The following ZSWIM2 variants were observed in gnomAD, a reference collection of about 807,000 sequenced individuals.
ZSWIM2 encodes the protein E3 ubiquitin-protein ligase ZSWIM2.
Under a neutral mutation model 48.4 loss-of-function variants are expected in ZSWIM2, and 38 were observed. That is an observed-to-expected ratio of 0.79 (90% CI 0.61 to 1.03). The LOEUF is 1.03. Among genes scored for constraint, ZSWIM2 ranks in the 50% least tolerant of loss-of-function variants. The pLI is 0.00. For synonymous variants in ZSWIM2, 240 were observed against 251.3 expected (o/e 0.96, Z 0.42); for missense variants, 776 against 730.2 (o/e 1.06, Z -0.72).
chr2:186,845,285 C>A (rs1691977658), intron 2 of ZSWIM2, among the ~76,000 whole-genome samples: 1 of 151,262 alleles, frequency 6.6e-6, no homozygotes, highest in Non-Finnish European at 1.5e-5. Flanking sequence ...GTATATGAAG[C>A]ACTTTGATTA....
At chr2:186,844,553 T>TC (rs1422706718) in intron 3 of ZSWIM2, among the ~76,000 whole-genome samples, 164 bp downstream of exon 3, 1 of 151,410 alleles carries the variant, frequency 6.6e-6, no homozygotes, top group African/African-American at 2.4e-5. Context: ...TGAAAAATGT[T>TC]CCAAGTGTCT....
intron 7 of ZSWIM2, among the ~76,000 whole-genome samples, chr2:186,831,066 C>G (rs1388408124): frequency 6.6e-6 from 1 of 152,076 alleles, no homozygotes; most frequent in African/African-American, 2.4e-5. Flanking sequence ...AATTCTCTTA[C>G]TTATTCCATT....
At chr2:186,846,769 T>TA (rs1011289715) in intron 2 of ZSWIM2, among the ~76,000 whole-genome samples, 6 of 135,634 alleles carry the variant, frequency 4.4e-5, no homozygotes, top group Non-Finnish European at 9.4e-5. Context: ...ACCACATTAA[T>TA]AAAATGTGTG....
At chr2:186,836,016 G>A (rs148014865) in intron 5 of ZSWIM2, among the ~76,000 whole-genome samples, 40 of 152,224 alleles carry the variant, frequency 2.6e-4, no homozygotes, top group African/African-American at 8.7e-4. Flanking sequence ...AAAGCTCTGA[G>A]TGACAGGAGT....
At position 186,829,734 on chromosome 2, in the gene ZSWIM2, G is replaced by A. The variant is rs189864866; in HGVS notation, c.1088C>T (p.Thr363Ile). 12 of 1,611,422 alleles carry A rather than the reference G, an allele frequency of 7.4e-6. No homozygotes were observed. The highest frequency in any genetic ancestry group is 5.1e-6 in the Non-Finnish European group (6 of 1,179,206). ...LGQHTRLLPC[T>I]HKFHRKCIDN... ...AAATGATGTGACTTTTACCTTGTGAGTACATGGTAGCAATCTTGTATGTTG... is the reference window on the plus strand; with the variant it reads ...AAATGATGTGACTTTTACCTTGTGAATACATGGTAGCAATCTTGTATGTTG... Residue 363 changes from threonine to isoleucine, a missense_variant, in exon 8 of 9, where the codon ACT (threonine) becomes ATT (isoleucine). Physicochemically the swap from Thr to Ile is moderately conservative, Grantham distance 89. Transcript: ENST00000295131.
chr2:186,832,626 A>T (rs62171891), intron 7 of ZSWIM2, among the ~76,000 whole-genome samples: 11,189 of 152,204 alleles, frequency 0.074, 530 homozygotes, highest in Non-Finnish European at 0.11. Flanking sequence ...CAAATTTCAA[A>T]TATCTTTGAA....
At chr2:186,844,678 TAA>T in intron 3 of ZSWIM2, 37 bp downstream of exon 3, 3 of 1,355,196 alleles carry the variant, frequency 2.2e-6, no homozygotes, top group South Asian at 1.5e-5. Flanking sequence ...AGTAGTAAAA[TAA>T]AAAAAAAACA....
intron 8 of ZSWIM2, 145 bp downstream of exon 8, chr2:186,829,581 TG>T: frequency 1.5e-6 from 1 of 668,166 alleles, no homozygotes; most frequent in Non-Finnish European, 2.4e-6. Context: ...ATAGTCTCTG[TG>T]GTAGTTCTTT....
At chr2:186,837,624 ATATATT>A in intron 4 of ZSWIM2, 70 bp from the exon 5 acceptor site, 1 of 407,022 alleles carries the variant, frequency 2.5e-6, no homozygotes, top group Non-Finnish European at 3.5e-6. Flanking sequence ...ATATATATAT[ATATATT>A]ATATATATAT....
chr2:186,842,737 G>T (rs1338912531), intron 3 of ZSWIM2, among the ~76,000 whole-genome samples: 3 of 151,608 alleles, frequency 2.0e-5, no homozygotes, highest in East Asian at 1.9e-4. Flanking sequence ...TAGCTATTGT[G>T]TACTTGAAAT....
intron 3 of ZSWIM2, among the ~76,000 whole-genome samples, chr2:186,840,960 A>G (rs1169152889): frequency 6.6e-6 from 1 of 151,512 alleles, no homozygotes; most frequent in Non-Finnish European, 1.5e-5. Context: ...CACATAAAAC[A>G]CAAATAGTAA....
At position 186,828,171 on chromosome 2, in the gene ZSWIM2, A is replaced by G; in HGVS notation, c.1715T>C (p.Leu572Ser). 6.2e-7 allele frequency: 1 copy of G among 1,613,594 alleles called. No homozygotes were observed. The highest frequency in any genetic ancestry group is 8.5e-7 in the Non-Finnish European group (1 of 1,179,710). ...KIREDNKRST[L>S]LPEDFNLIVN... ...AATAAGATTGAAATCCTCTGGAAGT[A>G]AAGTTGATCTCTTGTTGTCCTCTCT... The change falls in exon 9 of 9, where the codon TTA becomes TCA. Residue 572 changes from leucine to serine, a missense_variant. Coordinates refer to ENST00000295131, the MANE Select transcript of ZSWIM2 (RefSeq NM_182521.3).
chr2:186,831,555 G>T (rs1022972268), intron 7 of ZSWIM2, among the ~76,000 whole-genome samples: 14 of 152,026 alleles, frequency 9.2e-5, no homozygotes, highest in Middle Eastern at 3.4e-3. Context: ...AAATCATGCT[G>T]CTATAAAGAC....
intron 2 of ZSWIM2, 62 bp downstream of exon 2, chr2:186,847,657 C>G: frequency 7.9e-7 from 1 of 1,270,198 alleles, no homozygotes; most frequent in Non-Finnish European, 1.1e-6. Context: ...ATGACAAAGG[C>G]AAAATATTTA....
Position 186,828,447 on chromosome 2 carries a change from G to T in ZSWIM2, c.1439C>A (p.Ser480Ter). 6.2e-7 allele frequency: 1 copy of T among 1,612,996 alleles called. No homozygotes were observed. Among genetic ancestry groups the T allele is most frequent in the South Asian group, 1.1e-5 (1 of 91,000 alleles). The change falls in exon 9 of 9, where the codon TCA becomes TAA. Residue 480 changes from serine to a stop codon, truncating the protein, a stop_gained. Transcript: ENST00000295131. LOFTEE classifies it low-confidence loss of function (END_TRUNC). Reference protein sequence around the residue: ...LCSIKLDNSNSKKLTYDYKIS... With the variant: ...LCSIKLDNSN ...TTTATAATCATAGGTTAATTTTTTTGAATTTGAATTATCTAATTTGATAGA... is the reference window on the plus strand; with the variant it reads ...TTTATAATCATAGGTTAATTTTTTTTAATTTGAATTATCTAATTTGATAGA...
chr2:186,829,138 C>T (rs1013677087), intron 8 of ZSWIM2, among the ~76,000 whole-genome samples: 2 of 152,106 alleles, frequency 1.3e-5, no homozygotes, highest in South Asian at 2.1e-4. Flanking sequence ...GATCTGATAA[C>T]AGTAAAATAT....
chr2:186,848,075 TCA>T (rs147152237), intron 1 of ZSWIM2, among the ~76,000 whole-genome samples: 3,315 of 152,254 alleles, frequency 0.022, 115 homozygotes, highest in African/African-American at 0.076. Context: ...AAAGCAAATA[TCA>T]ACCCATAAAT....
chr2:186,839,771 T>C (rs1261369772), intron 3 of ZSWIM2, among the ~76,000 whole-genome samples: 1 of 151,592 alleles, frequency 6.6e-6, no homozygotes, highest in East Asian at 1.9e-4. Context: ...CATTGGGATG[T>C]GCATTTTTTG....
chr2:186,832,291 G>GTTT, intron 7 of ZSWIM2, among the ~76,000 whole-genome samples: 1 of 146,348 alleles, frequency 6.8e-6, no homozygotes, highest in Middle Eastern at 3.5e-3. Context: ...ATTTTTTTTT[G>GTTT]TTTTTTTTTT....
Sources: allele counts gnomAD v4.1 joint callset (sites outside exome capture counted in the v4.1 genomes callset), GRCh38; gene constraint gnomAD v4.1.1; transcripts MANE v1.5; gene names NCBI Gene and HGNC (gene_info 2026-07-23, HGNC 2026-07-21).